The following PDGFC variants were observed in gnomAD, a reference collection of about 807,000 sequenced individuals.
PDGFC encodes the protein platelet derived growth factor C, also known as platelet-derived growth factor C.
PDGFC carries 12 observed loss-of-function variants against 35.5 expected under a neutral mutation model. That is an observed-to-expected ratio of 0.34 (90% CI 0.22 to 0.55). PDGFC has a LOEUF of 0.55. PDGFC is among the 20% of genes least tolerant of loss of function. The pLI, the probability that PDGFC is intolerant of heterozygous loss-of-function variation, is 0.91. For missense variants in PDGFC, 322 were observed against 412.4 expected, an observed-to-expected ratio of 0.78 and a Z score of 1.90; for synonymous variants, 159 against 148.8, an observed-to-expected ratio of 1.07 and a Z score of -0.50.
At chr4:156,839,271 A>C (rs1274004034) in intron 2 of PDGFC, among the ~76,000 whole-genome samples, 1 of 152,170 alleles carries the variant, frequency 6.6e-6, no homozygotes, top group Non-Finnish European at 1.5e-5. Context: ...CCCAACACTC[A>C]GCTTTTCTCC....
intron 1 of PDGFC, among the ~76,000 whole-genome samples, chr4:156,917,595 G>A (rs1731182356): frequency 6.6e-6 from 1 of 152,198 alleles, no homozygotes. Context: ...TTATTGGACA[G>A]ATTATAGAAT....
At chr4:156,950,307 T>C (rs1236700227) in intron 1 of PDGFC, among the ~76,000 whole-genome samples, 5 of 151,892 alleles carry the variant, frequency 3.3e-5, no homozygotes, top group African/African-American at 1.2e-4. Context: ...AATGAGACTG[T>C]ATATGCAGAC....
intron 1 of PDGFC, among the ~76,000 whole-genome samples, chr4:156,943,731 C>T (rs1439007127): frequency 6.6e-6 from 1 of 152,056 alleles, no homozygotes; most frequent in Non-Finnish European, 1.5e-5. Flanking sequence ...TGCCAGAAGT[C>T]CCTGTGAACT....
chr4:156,764,495 T>C (rs1730464898), intron 5 of PDGFC, among the ~76,000 whole-genome samples: 1 of 152,192 alleles, frequency 6.6e-6, no homozygotes, highest in Admixed American at 6.5e-5. Context: ...AGCCCAGAGA[T>C]GAATTATTAG....
chr4:156,922,127 G>A (rs1299794211), intron 1 of PDGFC, among the ~76,000 whole-genome samples: 1 of 151,496 alleles, frequency 6.6e-6, no homozygotes, highest in Admixed American at 6.6e-5. Flanking sequence ...GGGACCTGTA[G>A]TGTTGTGCCT....
chr4:156,881,002 T>C (rs80342869), intron 1 of PDGFC, among the ~76,000 whole-genome samples: 9,349 of 152,152 alleles, frequency 0.061, 385 homozygotes, highest in Middle Eastern at 0.11. Flanking sequence ...GTATTGAGAG[T>C]GTTGATTCCA....
chr4:156,845,258 T>G (rs1729298483), intron 2 of PDGFC, among the ~76,000 whole-genome samples: 1 of 151,692 alleles, frequency 6.6e-6, no homozygotes, highest in Non-Finnish European at 1.5e-5. Flanking sequence ...TATAAAGAAA[T>G]TATTAAGTTT....
chr4:156,790,506 A>G (rs1406735505), intron 3 of PDGFC, among the ~76,000 whole-genome samples: 1 of 152,242 alleles, frequency 6.6e-6, no homozygotes, highest in Non-Finnish European at 1.5e-5. Flanking sequence ...AAGATAAGCA[A>G]AAACAATTTA....
intron 1 of PDGFC, among the ~76,000 whole-genome samples, chr4:156,951,419 T>C (rs1209998415): frequency 2.0e-5 from 3 of 151,930 alleles, no homozygotes; most frequent in Middle Eastern, 6.8e-3. Flanking sequence ...GAAACCATTA[T>C]TGACCATATA....
At chr4:156,798,627 G>A (rs867688906) in intron 3 of PDGFC, among the ~76,000 whole-genome samples, 1 of 152,026 alleles carries the variant, frequency 6.6e-6, no homozygotes, top group African/African-American at 2.4e-5. Flanking sequence ...GAAAATATTG[G>A]TGTCAGAAAG....
chr4:156,887,076 T>C (rs892502145), intron 1 of PDGFC, among the ~76,000 whole-genome samples: 3 of 152,208 alleles, frequency 2.0e-5, no homozygotes, highest in Non-Finnish European at 4.4e-5. Context: ...TGAGCCACTA[T>C]TAACAAAGTT....
chr4:156,866,555 GTGTT>G (rs1729848044), intron 1 of PDGFC, among the ~76,000 whole-genome samples: 1 of 152,050 alleles, frequency 6.6e-6, no homozygotes, highest in Admixed American at 6.6e-5. Context: ...GTGTGTGTGT[GTGTT>G]TATTTAAGAT....
intron 1 of PDGFC, among the ~76,000 whole-genome samples, chr4:156,925,058 A>G (rs147565955): frequency 2.1e-4 from 32 of 152,320 alleles, no homozygotes; most frequent in African/African-American, 6.0e-4. Flanking sequence ...AAGAATAATC[A>G]GAGATAAAAG....
At chr4:156,876,692 A>G (rs1730123421) in intron 1 of PDGFC, 1 of 152,186 alleles carries the variant, frequency 6.6e-6, no homozygotes, top group African/African-American at 2.4e-5. Flanking sequence ...ACACAAAATT[A>G]TAACAGCAGT....
chr4:156,963,784 G>T (rs1441948139), intron 1 of PDGFC, among the ~76,000 whole-genome samples: 1 of 152,110 alleles, frequency 6.6e-6, no homozygotes, highest in Non-Finnish European at 1.5e-5. Context: ...ATTAGCGAAT[G>T]CTACCAAAAG....
chr4:156,843,267 C>T (rs1729247404), intron 2 of PDGFC, among the ~76,000 whole-genome samples: 1 of 152,136 alleles, frequency 6.6e-6, no homozygotes, highest in Non-Finnish European at 1.5e-5. Context: ...GAAGCTGGTC[C>T]TCCATCGCCA....
At chr4:156,933,675 A>G (rs1057318219) in intron 1 of PDGFC, among the ~76,000 whole-genome samples, 115 of 152,254 alleles carry the variant, frequency 7.6e-4, no homozygotes, top group African/African-American at 2.6e-3. Context: ...CTTATCTCAA[A>G]TTGTAATCCC....
At chr4:156,963,243 G>C (rs928482078) in intron 1 of PDGFC, among the ~76,000 whole-genome samples, 1 of 152,020 alleles carries the variant, frequency 6.6e-6, no homozygotes, top group Non-Finnish European at 1.5e-5. Context: ...CGAGGTGGAA[G>C]GATCACTTGA....
intron 1 of PDGFC, among the ~76,000 whole-genome samples, chr4:156,911,523 G>A (rs915748407): frequency 6.6e-6 from 1 of 151,896 alleles, no homozygotes; most frequent in African/African-American, 2.4e-5. Flanking sequence ...AGGTTGTGCA[G>A]GGCTTATTAT....
Sources: allele counts gnomAD v4.1 joint callset (sites outside exome capture counted in the v4.1 genomes callset), GRCh38; gene constraint gnomAD v4.1.1; transcripts MANE v1.5; gene names NCBI Gene and HGNC (gene_info 2026-07-23, HGNC 2026-07-21).